The following MGAT4C variants were observed in gnomAD, a reference collection of about 807,000 sequenced individuals.
MGAT4C encodes alpha-1,3-mannosyl-glycoprotein 4-beta-N-acetylglucosaminyltransferase C.
A neutral mutation model predicts 40.1 loss-of-function variants in MGAT4C; 19 were observed. That is an observed-to-expected ratio of 0.47 (90% CI 0.33 to 0.70). MGAT4C has a LOEUF of 0.70. Among genes scored for constraint, MGAT4C ranks in the 30% least tolerant of loss-of-function variants. MGAT4C has a pLI of 0.02. For missense variants in MGAT4C, 491 were observed against 563.2 expected (o/e 0.87, Z 1.30); for synonymous variants, 181 against 187.1 (o/e 0.97, Z 0.27).
At chr12:86,353,389 C>G (rs952026462) in intron 3 of MGAT4C, among the ~76,000 whole-genome samples, 1 of 152,134 alleles carries the variant, frequency 6.6e-6, no homozygotes, top group African/African-American at 2.4e-5. Context: ...AATTAAAACT[C>G]AAAGAAGAAT....
chr12:86,817,972 A>G (rs1952636675), intron 1 of MGAT4C, among the ~76,000 whole-genome samples: 1 of 151,478 alleles, frequency 6.6e-6, no homozygotes, highest in Admixed American at 6.6e-5. Flanking sequence ...AAGACAATAC[A>G]TAAATATAAC....
intron 3 of MGAT4C, among the ~76,000 whole-genome samples, chr12:86,365,478 T>A (rs150467665): frequency 6.6e-6 from 1 of 152,280 alleles, no homozygotes; most frequent in African/African-American, 2.4e-5. Flanking sequence ...ACAAGGCTAT[T>A]GATTGGGGAA....
intron 1 of MGAT4C, among the ~76,000 whole-genome samples, chr12:86,189,374 G>T (rs1440832279): frequency 6.6e-6 from 1 of 151,720 alleles, no homozygotes; most frequent in Non-Finnish European, 1.5e-5. Context: ...CTAACCTATA[G>T]CCCTTCATAG....
At chr12:86,432,764 A>T (rs1957065223) in intron 3 of MGAT4C, among the ~76,000 whole-genome samples, 1 of 152,166 alleles carries the variant, frequency 6.6e-6, no homozygotes, top group Non-Finnish European at 1.5e-5. Context: ...ATATCTCTCT[A>T]AAAAGCAGTT....
At chr12:86,836,684 A>C (rs1295326523) in intron 1 of MGAT4C, among the ~76,000 whole-genome samples, 2 of 152,010 alleles carry the variant, frequency 1.3e-5, no homozygotes, top group Non-Finnish European at 2.9e-5. Flanking sequence ...TTTTTATTGC[A>C]CTTTGACAAT....
intron 3 of MGAT4C, among the ~76,000 whole-genome samples, chr12:86,374,166 T>C (rs1392373541): frequency 6.6e-6 from 1 of 152,110 alleles, no homozygotes; most frequent in Non-Finnish European, 1.5e-5. Context: ...GAGATGTGTT[T>C]AGCTGTAGTG....
intron 1 of MGAT4C, among the ~76,000 whole-genome samples, chr12:86,804,617 T>C (rs1952313170): frequency 6.6e-6 from 1 of 151,996 alleles, no homozygotes; most frequent in African/African-American, 2.4e-5. Flanking sequence ...GTTATATGTA[T>C]AACACTTCAT....
chr12:86,786,262 G>T (rs1423755669), intron 1 of MGAT4C, among the ~76,000 whole-genome samples: 2 of 152,104 alleles, frequency 1.3e-5, no homozygotes, highest in African/African-American at 2.4e-5. Flanking sequence ...AATGTTGGTT[G>T]TATCTGTAGG....
chr12:86,204,358 G>A (rs919677487), intron 1 of MGAT4C, among the ~76,000 whole-genome samples: 1 of 152,030 alleles, frequency 6.6e-6, no homozygotes, highest in African/African-American at 2.4e-5. Context: ...GAGTTCAAGA[G>A]TTCAAGAGAA....
chr12:86,338,393 G>T (rs1352656844), intron 3 of MGAT4C, among the ~76,000 whole-genome samples: 2 of 152,150 alleles, frequency 1.3e-5, no homozygotes, highest in African/African-American at 2.4e-5. Context: ...GAGCAGTTTA[G>T]GGAGGGTCAG....
chr12:86,668,261 C>G (rs1261116472), intron 2 of MGAT4C, among the ~76,000 whole-genome samples: 1 of 152,064 alleles, frequency 6.6e-6, no homozygotes, highest in Non-Finnish European at 1.5e-5. Flanking sequence ...AGGAATCTAC[C>G]AGAATCATGA....
At chr12:86,603,422 A>G (rs1364012851) in intron 2 of MGAT4C, among the ~76,000 whole-genome samples, 2 of 119,380 alleles carry the variant, frequency 1.7e-5, no homozygotes, top group African/African-American at 6.6e-5. Context: ...TATATATAGT[A>G]TATAGTATAT....
chr12:86,367,802 A>AC lies in MGAT4C; in HGVS notation c.-119-33676_-119-33675insG, dbSNP rs879315077. ...GCGACAGAGCGAGACTCCGTCTCAA[A>AC]AAAACAAACAAACAAACAAACAAAC... On this transcript the variant is annotated intron_variant, in intron 3 of 7. Transcript: ENST00000548651. Among the ~76,000 whole-genome samples the AC allele has an allele frequency of 5.4e-3, 815 of 150,362 alleles. 4 individuals are homozygous for AC. Among genetic ancestry groups the AC allele is most frequent in the Middle Eastern group, 0.015 (4 of 274 alleles).
intron 1 of MGAT4C, among the ~76,000 whole-genome samples, chr12:86,184,906 A>G (rs1888577178): frequency 6.6e-6 from 1 of 152,176 alleles, no homozygotes; most frequent in Non-Finnish European, 1.5e-5. Flanking sequence ...AAATCTGGAT[A>G]TTCCCGTCAG....
chr12:86,693,939 A>G (rs962290253), intron 2 of MGAT4C, among the ~76,000 whole-genome samples: 2 of 152,194 alleles, frequency 1.3e-5, no homozygotes, highest in Admixed American at 1.3e-4. Flanking sequence ...GCTTTCGCCA[A>G]TAATGACATT....
chr12:86,189,675 T>C (rs1889155829), intron 1 of MGAT4C, among the ~76,000 whole-genome samples: 1 of 152,048 alleles, frequency 6.6e-6, no homozygotes, highest in Non-Finnish European at 1.5e-5. Flanking sequence ...AACATCTTCA[T>C]ATGCAAACTT....
exon 1 of MGAT4C, chr12:86,838,759 T>A (rs1953091498): frequency 6.6e-6 from 1 of 152,064 alleles, no homozygotes. Flanking sequence ...TGATGGAGAG[T>A]TTCATTCCCT....
chr12:86,677,140 T>A (rs1365022287), intron 2 of MGAT4C, among the ~76,000 whole-genome samples: 1 of 152,164 alleles, frequency 6.6e-6, no homozygotes, highest in Non-Finnish European at 1.5e-5. Context: ...GCAACTTTTT[T>A]AACCAATACT....
intron 2 of MGAT4C, among the ~76,000 whole-genome samples, chr12:86,509,868 C>T (rs1335447588): frequency 6.6e-6 from 1 of 151,896 alleles, no homozygotes; most frequent in Admixed American, 6.6e-5. Flanking sequence ...TGTTTGTCTG[C>T]TATTGGTGTA....
Sources: gnomAD v4.1 joint callset for allele counts (sites outside exome capture counted in the v4.1 genomes callset) on GRCh38, gnomAD v4.1.1 for gene constraint, MANE v1.5 for transcripts, NCBI Gene and HGNC (gene_info 2026-07-23, HGNC 2026-07-21) for gene names.